ATP6V0C: variants seen among roughly 807,000 people sequenced by gnomAD.
ATP6V0C encodes ATPase H+ transporting V0 subunit c.
Under a neutral mutation model 10.6 loss-of-function variants are expected in ATP6V0C, and 2 were observed. The ratio of observed to expected loss-of-function variants is 0.19; its 90% confidence interval spans 0.08 to 0.59. The LOEUF (loss-of-function observed/expected upper bound fraction) is 0.59. Among genes scored for constraint, ATP6V0C ranks in the 20% least tolerant of loss-of-function variants. The pLI, the probability that ATP6V0C is intolerant of heterozygous loss-of-function variation, is 0.90. For missense variants in ATP6V0C, 89 were observed against 225.9 expected, an observed-to-expected ratio of 0.39 and a Z score of 3.88; for synonymous variants, 128 against 101.3, an observed-to-expected ratio of 1.26 and a Z score of -1.59.
intron 1 of ATP6V0C, chr16:2,517,655 G>A (rs986646908): frequency 6.6e-6 from 1 of 152,142 alleles, no homozygotes; most frequent in African/African-American, 2.4e-5. Flanking sequence ...AGGAATGGTA[G>A]GGGTAGTCCT....
intron 1 of ATP6V0C, among the ~76,000 whole-genome samples, chr16:2,516,135 C>T (rs2065876169): frequency 7.3e-6 from 1 of 137,084 alleles, no homozygotes; most frequent in Admixed American, 7.7e-5. Context: ...CTCCTCAAGA[C>T]AGGGTCTTGC....
chr16:2,515,565 GGTCTAGACTTCT>G (rs2065873213), intron 1 of ATP6V0C, among the ~76,000 whole-genome samples: 1 of 152,092 alleles, frequency 6.6e-6, no homozygotes, highest in Non-Finnish European at 1.5e-5. Context: ...TGGAAGAAGT[GGTCTAGACTTCT>G]CCTTCCCCCT....
chr16:2,514,041 T>C lies in ATP6V0C; in HGVS notation c.-63T>C, dbSNP rs1156843168. On this transcript the variant is annotated 5_prime_UTR_variant, in exon 1 of 3. Coordinates refer to ENST00000330398, the MANE Select transcript of ATP6V0C (RefSeq NM_001694.4). ...CCCGCAAACCTTCGTGCCCGGCCCG[T>C]CCTCGCCCCCGCCTCCGCCACCGCC... is the stretch of plus-strand genomic sequence containing the variant. 2 of 1,464,578 alleles carry C rather than the reference T, an allele frequency of 1.4e-6. No homozygotes were observed. Among genetic ancestry groups the C allele is most frequent in the African/African-American group, 1.5e-5 (1 of 68,278 alleles). The allele number at this position is 1,464,578 out of a possible 1,614,324, so 90.7% of individuals were successfully genotyped here. A position where few individuals can be genotyped will look rare whatever the true frequency, so the allele number is the denominator to read the frequency against.
intron 1 of ATP6V0C, 28 bp downstream of exon 1, chr16:2,514,210 G>A: frequency 6.6e-7 from 1 of 1,526,324 alleles, no homozygotes; most frequent in Non-Finnish European, 8.8e-7. Context: ...AGGGACTCGG[G>A]GGCGGGGGCG....
intron 1 of ATP6V0C, among the ~76,000 whole-genome samples, chr16:2,516,342 C>T (rs1036972220): frequency 6.6e-6 from 1 of 152,094 alleles, no homozygotes; most frequent in Non-Finnish European, 1.5e-5. Context: ...CTCCTTGTTG[C>T]CTCAAACGAT....
In ATP6V0C at chr16:2,519,661, C is replaced by T. The variant is rs761323538; in HGVS notation, c.384C>T (p.Phe128=). 30 of 1,612,084 alleles carry T rather than the reference C, an allele frequency of 1.9e-5. No individual in the cohort carries two copies. The South Asian group carries it at 2.6e-4, about 14-fold the overall frequency. Residue 128 remains phenylalanine, a synonymous_variant, in exon 3 of 3, where the codon TTC becomes TTT. Transcript: ENST00000330398. ...VRGTAQQPRL[F]VGMILILIFA... ...GCACCGCCCAGCAGCCCCGACTATT[C>T]GTGGGCATGATCCTGATTCTCATCT...
chr16:2,514,088 C>A lies in ATP6V0C; in HGVS notation c.-16C>A. ...CGCCTCGGCCCGCAGAGCTTGCCCC[C>A]TCCCCACCCGCAGACATGTCCGAGT... On this transcript the variant is annotated 5_prime_UTR_variant, in exon 1 of 3. Coordinates refer to ENST00000330398, the MANE Select transcript of ATP6V0C (RefSeq NM_001694.4). The A allele has an allele frequency of 1.9e-6, 3 of 1,567,926 alleles. No individual in the cohort carries two copies. Among genetic ancestry groups the A allele is most frequent in the Admixed American group, 1.8e-5 (1 of 55,814 alleles).
rs950975137 is a variant in ATP6V0C at position 2,514,027 on chromosome 16, T to A, written c.-77T>A. 7.2e-7 allele frequency: 1 copy of A among 1,383,670 alleles called. No individual in the cohort carries two copies. The highest frequency in any genetic ancestry group is 9.8e-7 in the Non-Finnish European group (1 of 1,016,282). The allele number at this position is 1,383,670 out of a possible 1,614,324, so 85.7% of individuals were successfully genotyped here. On this transcript the variant is annotated 5_prime_UTR_variant, in exon 1 of 3. Transcript: ENST00000330398. ...TTCGCCGCCGCCCGCCCGCAAACCT[T>A]CGTGCCCGGCCCGTCCTCGCCCCCG...
At chr16:2,516,119 T>C (rs866318458) in intron 1 of ATP6V0C, among the ~76,000 whole-genome samples, 30 of 145,272 alleles carry the variant, frequency 2.1e-4, no homozygotes, top group South Asian at 6.5e-4. Flanking sequence ...TTTTTTTTTT[T>C]CTCCCCTCCT....
intron 1 of ATP6V0C, among the ~76,000 whole-genome samples, chr16:2,515,819 C>T (rs765683575): frequency 7.9e-5 from 12 of 152,208 alleles, no homozygotes; most frequent in Middle Eastern, 3.2e-3. Flanking sequence ...ATGGGATCCC[C>T]GCCCATGTGG....
At chr16:2,514,270 C>A in intron 1 of ATP6V0C, 88 bp downstream of exon 1, 1 of 1,378,554 alleles carries the variant, frequency 7.3e-7, no homozygotes, top group Non-Finnish European at 9.7e-7. Context: ...TGTGACGTCA[C>A]TCTGACGTAA....
In ATP6V0C at chr16:2,519,427, C is replaced by G. The variant is rs753407052; in HGVS notation, c.263+26C>G. On this transcript the variant is annotated intron_variant, in intron 2 of 2. Coordinates refer to ENST00000330398, the MANE Select transcript of ATP6V0C (RefSeq NM_001694.4). ...GTGAGCACTGGGGTCAGGCCCCTGC[C>G]CAGGGCTGGAGGACTGCAGGGAGGG... The G allele has an allele frequency of 2.5e-6, 4 of 1,599,824 alleles. No homozygotes were observed. The African/African-American group carries it at 4.0e-5, about 16-fold the overall frequency.
intron 1 of ATP6V0C, chr16:2,517,713 T>TTG (rs142726423): frequency 0.038 from 5,400 of 141,514 alleles, 110 homozygotes; most frequent in Middle Eastern, 0.055. Context: ...GTCAGGCTGT[T>TTG]TGTGTGTGTG....
chr16:2,520,140 A>G lies in ATP6V0C; in HGVS notation c.*395A>G. 1.8e-6 allele frequency: 1 copy of G among 555,338 alleles called. No homozygotes were observed. Among genetic ancestry groups the G allele is most frequent in the East Asian group, 3.6e-5 (1 of 27,516 alleles). 34.4% of individuals were successfully genotyped at this position (555,338 alleles called of 1,614,324 possible). On this transcript the variant is annotated 3_prime_UTR_variant, in exon 3 of 3. Coordinates refer to ENST00000330398, the MANE Select transcript of ATP6V0C (RefSeq NM_001694.4). ...CGCCTTGTGGGTTCCTGTTGCTGAG[A>G]CTTCCTGGATGGAGCCGCCCTCACC...
chr16:2,516,893 A>G (rs1473274531), intron 1 of ATP6V0C: 1 of 152,418 alleles, frequency 6.6e-6, no homozygotes, highest in East Asian at 1.9e-4. Context: ...CAGGGTGCTC[A>G]TGGTATTCCG....
Position 2,519,543 on chromosome 16 carries a change from G to A in ATP6V0C, c.266G>A (p.Ser89Asn). Reference sequence around the variant, plus strand: ...CAGTCCTCTCTTCTCGCCCCCAGGAGCTTCCTCCAGCTGGGCGCCGGCCTG... The same window carrying A: ...CAGTCCTCTCTTCTCGCCCCCAGGAACTTCCTCCAGCTGGGCGCCGGCCTG... Reference protein sequence around the residue: ...SLNDDISLYKSFLQLGAGLSV... With the variant: ...SLNDDISLYKNFLQLGAGLSV... The change falls in exon 3 of 3, where the codon AGC becomes AAC. Residue 89 changes from serine (S) to asparagine (N), a missense_variant and splice_region_variant. Transcript: ENST00000330398. 1 of 1,546,578 alleles carries A rather than the reference G, an allele frequency of 6.5e-7. No homozygotes were observed. The highest frequency in any genetic ancestry group is 8.7e-7 in the Non-Finnish European group (1 of 1,143,786).
chr16:2,519,066 C>T, intron 1 of ATP6V0C, 152 bp from the exon 2 acceptor site: 1 of 868,902 alleles, frequency 1.2e-6, no homozygotes, highest in South Asian at 2.0e-5. Flanking sequence ...CCTCCTGGGT[C>T]CTCTTGCCCT....
intron 1 of ATP6V0C, among the ~76,000 whole-genome samples, chr16:2,515,918 C>T (rs1459760063): frequency 6.6e-6 from 1 of 151,738 alleles, no homozygotes; most frequent in African/African-American, 2.4e-5. Context: ...TTTCCTCTCT[C>T]TCCGTCAAGA....
chr16:2,513,967 T>G lies in ATP6V0C; in HGVS notation c.-137T>G. The G allele has an allele frequency of 3.3e-5, 23 of 707,226 alleles. No homozygotes were observed. The highest frequency in any genetic ancestry group is 6.6e-5 in the East Asian group (2 of 30,370). The allele number at this position is 707,226 out of a possible 1,614,324, so 43.8% of individuals were successfully genotyped here. ...CCGCCATTTTGTTCTGCGGTGCTGGTATTTAGAGCGCAGCGGCTGACGGGC... is the reference window on the plus strand; with the variant it reads ...CCGCCATTTTGTTCTGCGGTGCTGGGATTTAGAGCGCAGCGGCTGACGGGC... On this transcript the variant is annotated 5_prime_UTR_variant, in exon 1 of 3. Transcript: ENST00000330398.
Sources: gnomAD v4.1 joint callset for allele counts (sites outside exome capture counted in the v4.1 genomes callset) on GRCh38, gnomAD v4.1.1 for gene constraint, MANE v1.5 for transcripts, NCBI Gene and HGNC (gene_info 2026-07-23, HGNC 2026-07-21) for gene names.